The following EPHA3 variants were observed in gnomAD, a reference collection of about 807,000 sequenced individuals.
EPHA3 encodes EPH receptor A3, also known as ephrin type-A receptor 3.
Under a neutral mutation model 107.1 loss-of-function variants are expected in EPHA3, and 42 were observed. The observed-to-expected ratio is 0.39, with a 90% CI of 0.31 to 0.51. The LOEUF is 0.51. Among genes scored for constraint, EPHA3 ranks in the 20% least tolerant of loss-of-function variants. The pLI is 0.78. For synonymous variants in EPHA3, 461 were observed against 424.8 expected (o/e 1.09, Z -1.05); for missense variants, 1,183 against 1,211.2 (o/e 0.98, Z 0.35).
chr3:89,477,921 T>C (rs1710549274), intron 16 of EPHA3, among the ~76,000 whole-genome samples: 2 of 151,446 alleles, frequency 1.3e-5, no homozygotes, highest in Non-Finnish European at 2.9e-5. Context: ...AAAGTCAATA[T>C]GTCAGATGGT....
At chr3:89,173,416 A>C (rs190609283) in intron 2 of EPHA3, among the ~76,000 whole-genome samples, 3 of 152,026 alleles carry the variant, frequency 2.0e-5, no homozygotes, top group African/African-American at 4.8e-5. Flanking sequence ...CAGATAAGTC[A>C]CCTCTCAAAT....
chr3:89,419,104 A>C, intron 10 of EPHA3, 101 bp from the exon 11 acceptor site: 1 of 1,263,862 alleles, frequency 7.9e-7, no homozygotes, highest in Non-Finnish European at 1.1e-6. Flanking sequence ...CAAAGGCACA[A>C]ATATTTTAAA....
chr3:89,356,798 CA>C (rs1707968128), intron 5 of EPHA3, among the ~76,000 whole-genome samples: 1 of 150,664 alleles, frequency 6.6e-6, no homozygotes, highest in African/African-American at 2.4e-5. Context: ...TGGGCTAGAA[CA>C]AGAACCAAAG....
intron 3 of EPHA3, among the ~76,000 whole-genome samples, chr3:89,245,938 TACTC>T (rs993964120): frequency 1.3e-5 from 2 of 152,202 alleles, no homozygotes; most frequent in Non-Finnish European, 2.9e-5. Flanking sequence ...CATTTAGAAA[TACTC>T]ACATGGAGAA....
intron 2 of EPHA3, among the ~76,000 whole-genome samples, chr3:89,180,207 A>C (rs1421368371): frequency 1.3e-5 from 2 of 151,940 alleles, no homozygotes; most frequent in Non-Finnish European, 2.9e-5. Context: ...TTTTTTCATG[A>C]AAGCTTTCTT....
At chr3:89,367,596 C>A (rs1576339414) in intron 5 of EPHA3, among the ~76,000 whole-genome samples, 4 of 150,694 alleles carry the variant, frequency 2.7e-5, no homozygotes, top group East Asian at 1.9e-4. Context: ...CAAAAAAAAA[C>A]TTCTTAGCCT....
At chr3:89,219,428 G>T (rs1704295085) in intron 3 of EPHA3, among the ~76,000 whole-genome samples, 1 of 152,026 alleles carries the variant, frequency 6.6e-6, no homozygotes, top group African/African-American at 2.4e-5. Context: ...CTCCCAAAGT[G>T]CTGGGATTAC....
intron 3 of EPHA3, among the ~76,000 whole-genome samples, chr3:89,297,493 T>TCCCATA (rs1706383679): frequency 6.6e-6 from 1 of 152,162 alleles, no homozygotes; most frequent in Non-Finnish European, 1.5e-5. Context: ...TGGGCATGGT[T>TCCCATA]CATGCTATCC....
intron 16 of EPHA3, among the ~76,000 whole-genome samples, chr3:89,474,549 C>T (rs1305791831): frequency 6.6e-6 from 1 of 152,220 alleles, no homozygotes; most frequent in Non-Finnish European, 1.5e-5. Context: ...GTCCACATCA[C>T]TGCCAGATTT....
chr3:89,245,389 C>T (rs984800374), intron 3 of EPHA3, among the ~76,000 whole-genome samples: 29 of 152,164 alleles, frequency 1.9e-4, no homozygotes, highest in African/African-American at 6.7e-4. Context: ...TAATAATCTT[C>T]AAAAAGCATT....
intron 10 of EPHA3, among the ~76,000 whole-genome samples, chr3:89,417,618 G>T (rs1298035385): frequency 6.6e-6 from 1 of 151,154 alleles, no homozygotes; most frequent in African/African-American, 2.4e-5. Context: ...TATCTAAATG[G>T]CATATTCTTC....
At chr3:89,338,769 G>A (rs189347797) in intron 3 of EPHA3, among the ~76,000 whole-genome samples, 16 of 152,238 alleles carry the variant, frequency 1.1e-4, no homozygotes, top group Non-Finnish European at 2.4e-4. Context: ...AGATGGTCTC[G>A]ATCTCCTGAC....
intron 3 of EPHA3, among the ~76,000 whole-genome samples, chr3:89,323,480 C>G (rs1559647178): frequency 6.6e-6 from 1 of 152,118 alleles, no homozygotes; most frequent in Non-Finnish European, 1.5e-5. Flanking sequence ...GATTTACCAG[C>G]ATTGAGGATG....
chr3:89,376,114 A>T (rs1265585235), intron 5 of EPHA3, among the ~76,000 whole-genome samples: 5 of 151,930 alleles, frequency 3.3e-5, no homozygotes, highest in African/African-American at 7.2e-5. Context: ...AGGAACACAT[A>T]AAGAGATATT....
rs559153709 is a variant in EPHA3 at position 89,477,570 on chromosome 3, TTTTC to T, written c.2847-1819_2847-1816del. ...TTTCTGTGTAGTTGAATTCCCAATTTTTTCTTTCTTTATGCTCAGTATAAAGGAA... is the reference window on the plus strand; with the variant it reads ...TTTCTGTGTAGTTGAATTCCCAATTTTTTCTTTATGCTCAGTATAAAGGAA... On this transcript the variant is annotated intron_variant, in intron 16 of 16. Coordinates refer to ENST00000336596, the MANE Select transcript of EPHA3 (RefSeq NM_005233.6). Among the ~76,000 whole-genome samples the T allele has an allele frequency of 9.2e-5, 14 of 152,244 alleles. No homozygotes were observed. In the South Asian group the frequency reaches 2.9e-3, roughly 32 times the overall value.
chr3:89,217,380 G>A (rs1230379700), intron 3 of EPHA3, among the ~76,000 whole-genome samples: 1 of 151,352 alleles, frequency 6.6e-6, no homozygotes, highest in East Asian at 1.9e-4. Context: ...CCTTTTCTAG[G>A]AACAGAATCC....
intron 3 of EPHA3, among the ~76,000 whole-genome samples, chr3:89,243,252 T>C (rs1296571772): frequency 6.6e-6 from 1 of 152,168 alleles, no homozygotes; most frequent in East Asian, 1.9e-4. Flanking sequence ...TGATATATAA[T>C]CCTCTGGGTA....
At chr3:89,183,412 G>A (rs1433580079) in intron 2 of EPHA3, among the ~76,000 whole-genome samples, 1 of 151,778 alleles carries the variant, frequency 6.6e-6, no homozygotes, top group Non-Finnish European at 1.5e-5. Flanking sequence ...GCTGCAATTA[G>A]ATCTTCTCTT....
At chr3:89,240,438 T>C (rs1704868231) in intron 3 of EPHA3, among the ~76,000 whole-genome samples, 1 of 152,108 alleles carries the variant, frequency 6.6e-6, no homozygotes. Context: ...ATTTGTATTA[T>C]TTTAAAGGAT....
Sources: allele counts gnomAD v4.1 joint callset (sites outside exome capture counted in the v4.1 genomes callset), GRCh38; gene constraint gnomAD v4.1.1; transcripts MANE v1.5; gene names NCBI Gene and HGNC (gene_info 2026-07-23, HGNC 2026-07-21).